ESCO2: variants seen among roughly 807,000 people sequenced by gnomAD.
ESCO2 encodes establishment of sister chromatid cohesion N-acetyltransferase 2.
ESCO2 carries 51 observed loss-of-function variants against 61.7 expected under a neutral mutation model. That is an observed-to-expected ratio of 0.83 (90% CI 0.66 to 1.04). The LOEUF (loss-of-function observed/expected upper bound fraction) is 1.04, where lower values mean the gene tolerates loss of function less well. ESCO2 is among the 50% of genes least tolerant of loss of function. The pLI is 0.00. For missense variants in ESCO2, 692 were observed against 686.2 expected (o/e 1.01, Z -0.09); for synonymous variants, 230 against 238.2 (o/e 0.97, Z 0.32).
intron 4 of ESCO2, among the ~76,000 whole-genome samples, chr8:27,781,175 T>G (rs1804919932): frequency 6.6e-6 from 1 of 152,180 alleles, no homozygotes; most frequent in South Asian, 2.1e-4. Flanking sequence ...TAACTACAGT[T>G]TATCATTTAA....
Position 27,804,163 on chromosome 8 carries a change from T to A in ESCO2, c.*725T>A, listed in dbSNP as rs1805514410. ...AGGAATAAGATTATCCCATATGCAT[T>A]TCTGTAGAGCAGAATTTGATAGCTT... On this transcript the variant is annotated 3_prime_UTR_variant, in exon 11 of 11. Transcript: ENST00000305188. The A allele has an allele frequency of 1.0e-6, 1 of 985,292 alleles. No homozygotes were observed. Among genetic ancestry groups the A allele is most frequent in the South Asian group, 4.7e-5 (1 of 21,284 alleles). 61.0% of individuals were successfully genotyped at this position (985,292 alleles called of 1,614,324 possible).
intron 5 of ESCO2, 146 bp downstream of exon 5, chr8:27,784,203 T>G: frequency 1.4e-6 from 1 of 701,210 alleles, no homozygotes; most frequent in Admixed American, 2.6e-5. Flanking sequence ...GAGAATAGGG[T>G]GATGAAATCA....
At position 27,792,069 on chromosome 8, in the gene ESCO2, T is replaced by G. The variant is rs774357021; in HGVS notation, c.1353+17T>G. 1 of 1,613,152 alleles carries G rather than the reference T, an allele frequency of 6.2e-7. No individual in the cohort carries two copies. Among genetic ancestry groups the G allele is most frequent in the Non-Finnish European group, 8.5e-7 (1 of 1,179,162 alleles). ...ATCAAAAAGGTATGGAACATTATCTTTTTATCTCTTGCCTTTCCCCACCCC... is the reference window on the plus strand; with the variant it reads ...ATCAAAAAGGTATGGAACATTATCTGTTTATCTCTTGCCTTTCCCCACCCC... On this transcript the variant is annotated intron_variant, in intron 8 of 10. Coordinates refer to ENST00000305188, the MANE Select transcript of ESCO2 (RefSeq NM_001017420.3).
intron 10 of ESCO2, among the ~76,000 whole-genome samples, chr8:27,801,594 G>A (rs1805427392): frequency 6.6e-6 from 1 of 152,050 alleles, no homozygotes. Context: ...ACCATATTAT[G>A]TATTTAATTA....
downstream of ESCO2, chr8:27,811,057 T>C: frequency 6.2e-7 from 1 of 1,612,752 alleles, no homozygotes; most frequent in South Asian, 1.1e-5. Context: ...GCCTTGTCAG[T>C]AATAACACCA....
chr8:27,792,121 A>G, intron 8 of ESCO2, 69 bp downstream of exon 8: 1 of 1,463,246 alleles, frequency 6.8e-7, no homozygotes, highest in East Asian at 2.3e-5. Flanking sequence ...GTTGAAGTGC[A>G]AACTGCCTTT....
intron 3 of ESCO2, chr8:27,778,811 G>A (rs915404226): frequency 3.9e-5 from 6 of 152,162 alleles, no homozygotes; most frequent in African/African-American, 1.4e-4. Flanking sequence ...TGGGAAGCTG[G>A]GCTTTTGTGC....
chr8:27,785,002 T>G, intron 5 of ESCO2, among the ~76,000 whole-genome samples: 1 of 152,234 alleles, frequency 6.6e-6, no homozygotes, highest in East Asian at 1.9e-4. Context: ...GGGAGCTGTC[T>G]TAGTTCATTT....
In ESCO2 at chr8:27,777,069, CTT is replaced by C. The variant is rs80359855; in HGVS notation, c.764_765del (p.Phe255CysfsTer25). The C allele has an allele frequency of 6.2e-7, 1 of 1,605,462 alleles. No individual in the cohort carries two copies. Among genetic ancestry groups the C allele is most frequent in the Non-Finnish European group, 8.5e-7 (1 of 1,178,086 alleles). On this transcript the variant is annotated frameshift_variant, in exon 3 of 11. Coordinates refer to ENST00000305188, the MANE Select transcript of ESCO2 (RefSeq NM_001017420.3). LOFTEE classifies it high-confidence loss of function. The stretch of plus-strand genomic sequence containing the variant: ...GTAGAGACTGTCAGTGAAAAAAAAA[CTT>C]TTGCGACAAGGCAAGTGCCAAAGTG...
downstream of ESCO2, chr8:27,811,412 T>C (rs573264105): frequency 1.6e-4 from 86 of 534,616 alleles, no homozygotes; most frequent in Admixed American, 3.5e-4. Context: ...TTACAGACTC[T>C]GGAGCCAGAC....
At chr8:27,810,160 T>C, downstream of ESCO2, 3 of 621,290 alleles carry the variant, frequency 4.8e-6, no homozygotes, top group Non-Finnish European at 8.5e-6. Flanking sequence ...ATATTTCATA[T>C]TAGAAATAGT....
Position 27,776,840 on chromosome 8 carries a change from A to T in ESCO2, c.532A>T (p.Lys178Ter). ...AGTGATCTATAAGCCAATTGTGGAG[A>T]AGGAAAATAATTGTCATTCAGCTGA... ...NRVIYKPIVE[K>*]ENNCHSAENN... The change falls in exon 3 of 11, where the codon AAG becomes TAG. Residue 178 changes from lysine (K) to a stop codon, truncating the protein, a stop_gained. Transcript: ENST00000305188. LOFTEE classifies it high-confidence loss of function. 6.2e-7 allele frequency: 1 copy of T among 1,614,200 alleles called. No individual in the cohort carries two copies. Among genetic ancestry groups the T allele is most frequent in the Non-Finnish European group, 8.5e-7 (1 of 1,180,032 alleles).
At position 27,803,619 on chromosome 8, in the gene ESCO2, A is replaced by G. The variant is rs1805503357; in HGVS notation, c.*181A>G. 11 of 1,370,838 alleles carry G rather than the reference A, an allele frequency of 8.0e-6. No homozygotes were observed. In the South Asian group the frequency reaches 2.0e-4, roughly 25 times the overall value. 84.9% of individuals were successfully genotyped at this position (1,370,838 alleles called of 1,614,324 possible). A position where few individuals can be genotyped will look rare whatever the true frequency, so the allele number is the denominator to read the frequency against. On this transcript the variant is annotated 3_prime_UTR_variant, in exon 11 of 11. Coordinates refer to ENST00000305188, the MANE Select transcript of ESCO2 (RefSeq NM_001017420.3). ...CCTTATGAGTTGAAAAGTCAGGAAT[A>G]AATTTGTTGAAAATTATCTGGGGAT...
intron 9 of ESCO2, among the ~76,000 whole-genome samples, chr8:27,799,220 G>A (rs771779954): frequency 3.3e-5 from 5 of 151,956 alleles, no homozygotes; most frequent in African/African-American, 4.8e-5. Context: ...TCTTTAGGTG[G>A]TCATATATAC....
chr8:27,779,058 G>T (rs1475854514), intron 3 of ESCO2: 1 of 152,350 alleles, frequency 6.6e-6, no homozygotes, highest in African/African-American at 2.4e-5. Context: ...GGTATTGTAG[G>T]CACCGGCCAC....
At position 27,792,808 on chromosome 8, in the gene ESCO2, A is replaced by C; in HGVS notation, c.1494A>C (p.Lys498Asn). ...VVGCLIAEPI[K>N]QAFRVLSEPI... Reference sequence around the variant, plus strand: ...GGTGTTTAATTGCAGAACCCATCAAACAGGTATGGTATATTTGTTTTAAAT... The same window carrying C: ...GGTGTTTAATTGCAGAACCCATCAACCAGGTATGGTATATTTGTTTTAAAT... Residue 498 changes from lysine to asparagine, a missense_variant, in exon 9 of 11, where the codon AAA becomes AAC. Lys to Asn is a moderately conservative substitution (Grantham distance 94). Coordinates refer to ENST00000305188, the MANE Select transcript of ESCO2 (RefSeq NM_001017420.3). 6.2e-7 allele frequency: 1 copy of C among 1,600,848 alleles called. No individual in the cohort carries two copies. Among genetic ancestry groups the C allele is most frequent in the Non-Finnish European group, 8.5e-7 (1 of 1,175,670 alleles).
chr8:27,776,483 G>A lies in ESCO2; in HGVS notation c.175G>A (p.Ala59Thr). ...TCAACAAGAGCATTTTGTTTTAAGT[G>A]CGCTCAAAACAACTGAAATAAATAG... ...CSQQEHFVLS[A>T]LKTTEINRLP... Residue 59 changes from alanine (A) to threonine (T), a missense_variant, in exon 3 of 11, where the codon GCG (alanine) becomes ACG (threonine). Physicochemically the swap from Ala to Thr is moderately conservative, Grantham distance 58. Coordinates refer to ENST00000305188, the MANE Select transcript of ESCO2 (RefSeq NM_001017420.3). The A allele has an allele frequency of 6.2e-7, 1 of 1,612,820 alleles. No individual in the cohort carries two copies. Among genetic ancestry groups the A allele is most frequent in the Middle Eastern group, 1.7e-4 (1 of 6,058 alleles).
At chr8:27,802,463 C>T (rs1194467066) in intron 10 of ESCO2, among the ~76,000 whole-genome samples, 36 of 148,648 alleles carry the variant, frequency 2.4e-4, no homozygotes, top group Non-Finnish European at 3.9e-4. Flanking sequence ...CCAAATTAGC[C>T]GGGTGTGGTG....
downstream of ESCO2, chr8:27,811,134 AC>A: frequency 6.2e-7 from 1 of 1,613,774 alleles, no homozygotes; most frequent in South Asian, 1.1e-5. Flanking sequence ...AGGGTCAGTC[AC>A]TGAAACAAGC....
Sources: allele counts gnomAD v4.1 joint callset (sites outside exome capture counted in the v4.1 genomes callset), GRCh38; gene constraint gnomAD v4.1.1; transcripts MANE v1.5; gene names NCBI Gene and HGNC (gene_info 2026-07-23, HGNC 2026-07-21).